LIN7A: variants seen among roughly 807,000 people sequenced by gnomAD.
LIN7A encodes the protein lin-7 cell polarity scaffold A, also known as protein lin-7 homolog A.
LIN7A carries 25 observed loss-of-function variants against 29.8 expected under a neutral mutation model. That is an observed-to-expected ratio of 0.84 (90% confidence interval 0.61 to 1.17). The LOEUF is 1.17. Ranked by LOEUF, LIN7A falls within the 50% of genes most tolerant of loss-of-function variation. LIN7A has a pLI of 0.00. For synonymous variants in LIN7A, 118 were observed against 107.5 expected (o/e 1.10, Z -0.60); for missense variants, 239 against 287.0 (o/e 0.83, Z 1.21).
At chr12:80,841,370 AG>A (rs1872804777) in intron 4 of LIN7A, among the ~76,000 whole-genome samples, 2 of 144,064 alleles carry the variant, frequency 1.4e-5, no homozygotes, top group Non-Finnish European at 3.0e-5. Context: ...GAAGGAAGGA[AG>A]GAAGGAAGGA....
At chr12:80,849,914 T>A (rs1287438796) in intron 2 of LIN7A, among the ~76,000 whole-genome samples, 37 of 152,194 alleles carry the variant, frequency 2.4e-4, no homozygotes, top group Admixed American at 2.4e-3. Flanking sequence ...CCTGGTCATC[T>A]GAATTTGTTT....
intron 5 of LIN7A, among the ~76,000 whole-genome samples, chr12:80,804,259 A>G (rs1031833596): frequency 3.9e-5 from 6 of 152,092 alleles, no homozygotes; most frequent in Non-Finnish European, 5.9e-5. Context: ...TTAAGGGTAT[A>G]GCTAAATTAT....
chr12:80,858,166 A>G (rs1056780523), intron 2 of LIN7A, among the ~76,000 whole-genome samples: 2 of 152,200 alleles, frequency 1.3e-5, no homozygotes, highest in African/African-American at 4.8e-5. Context: ...TGACCATGCC[A>G]CACACTTAAT....
In LIN7A at chr12:80,846,213, C is replaced by T. The variant is rs564894931; in HGVS notation, c.274-274G>A. ...CTTCATAAAAATCCTTTCCAGTTACCTTGGTTAGCTGCAATTCTTCCTATT... is the reference window on the plus strand; with the variant it reads ...CTTCATAAAAATCCTTTCCAGTTACTTTGGTTAGCTGCAATTCTTCCTATT... On this transcript the variant is annotated intron_variant, in intron 3 of 5. Transcript: ENST00000552864. Among the ~76,000 whole-genome samples the T allele has an allele frequency of 4.7e-4, 71 of 152,190 alleles. No homozygotes were observed. In the South Asian group the frequency reaches 1.0e-2, roughly 21 times the overall value.
At chr12:80,909,254 G>T (rs1309489325) in intron 1 of LIN7A, among the ~76,000 whole-genome samples, 2 of 152,070 alleles carry the variant, frequency 1.3e-5, no homozygotes, top group Non-Finnish European at 2.9e-5. Flanking sequence ...TGGTATAGTT[G>T]TTCAGTATCA....
intron 4 of LIN7A, among the ~76,000 whole-genome samples, chr12:80,840,830 A>C (rs1872773475): frequency 6.6e-6 from 1 of 152,144 alleles, no homozygotes; most frequent in Non-Finnish European, 1.5e-5. Flanking sequence ...CAACCATTCC[A>C]ACTCTGTACA....
intron 2 of LIN7A, among the ~76,000 whole-genome samples, chr12:80,881,692 T>G (rs1875049910): frequency 6.6e-6 from 1 of 152,106 alleles, no homozygotes; most frequent in South Asian, 2.1e-4. Context: ...ACCTACAACA[T>G]AAAGTCTGTA....
intron 1 of LIN7A, among the ~76,000 whole-genome samples, chr12:80,927,977 G>A (rs1314398633): frequency 2.0e-5 from 3 of 152,066 alleles, no homozygotes; most frequent in African/African-American, 7.2e-5. Flanking sequence ...CTGTCCTTGT[G>A]ATAGTTTGCT....
At chr12:80,842,068 T>G (rs1051469234) in intron 4 of LIN7A, 24 of 1,286,470 alleles carry the variant, frequency 1.9e-5, no homozygotes, top group Non-Finnish European at 2.4e-5. Flanking sequence ...TAGAAAAAAT[T>G]TTCTCTCCCA....
At chr12:80,863,619 A>G (rs1421546426) in intron 2 of LIN7A, among the ~76,000 whole-genome samples, 1 of 152,230 alleles carries the variant, frequency 6.6e-6, no homozygotes, top group Non-Finnish European at 1.5e-5. Flanking sequence ...GAAGACTCAT[A>G]ATGACCTCAT....
rs972324935 is a variant in LIN7A at position 80,937,690 on chromosome 12, C to G, written c.33G>C (p.Thr11=). MLKPSVTSAP[T]ADMATLTVVQ... ...CCACTGTCAATGTCGCCATGTCTGC[C>G]GTGGGAGCCGAAGTGACGCTCGGCT... Residue 11 remains threonine (T), a synonymous_variant, in exon 1 of 6, where the codon ACG becomes ACC. Coordinates refer to ENST00000552864, the MANE Select transcript of LIN7A (RefSeq NM_004664.4). 2 of 1,463,192 alleles carry G rather than the reference C, an allele frequency of 1.4e-6. No homozygotes were observed. Among genetic ancestry groups the G allele is most frequent in the Non-Finnish European group, 1.8e-6 (2 of 1,089,122 alleles). 90.6% of individuals were successfully genotyped at this position (1,463,192 alleles called of 1,614,324 possible).
At chr12:80,907,835 G>C (rs1171239212) in intron 1 of LIN7A, among the ~76,000 whole-genome samples, 1 of 151,862 alleles carries the variant, frequency 6.6e-6, no homozygotes, top group Non-Finnish European at 1.5e-5. Context: ...AATATAAGAA[G>C]GTAAAAGAAA....
intron 1 of LIN7A, among the ~76,000 whole-genome samples, chr12:80,920,818 A>G (rs1173212546): frequency 6.6e-6 from 1 of 152,228 alleles, no homozygotes. Context: ...GCAGAGAAGA[A>G]AAATAAAACT....
chr12:80,882,287 C>CTTTTTTTTTTTTTTTTTATTT, intron 2 of LIN7A, among the ~76,000 whole-genome samples: 1 of 87,698 alleles, frequency 1.1e-5, no homozygotes, highest in Non-Finnish European at 2.9e-5. Context: ...TTCTTTCATT[C>CTTTTTTTTTTTTTTTTTATTT]TTTTTTTTTT....
intron 2 of LIN7A, among the ~76,000 whole-genome samples, chr12:80,865,918 T>C (rs548191628): frequency 2.6e-5 from 4 of 152,322 alleles, no homozygotes; most frequent in Non-Finnish European, 4.4e-5. Flanking sequence ...TAAATCACTA[T>C]GGGCCATTTC....
chr12:80,934,343 A>G (rs767176951), intron 1 of LIN7A, among the ~76,000 whole-genome samples: 1 of 152,214 alleles, frequency 6.6e-6, no homozygotes, highest in Non-Finnish European at 1.5e-5. Context: ...AGAACTTACA[A>G]TGACCATAGC....
intron 4 of LIN7A, among the ~76,000 whole-genome samples, chr12:80,831,726 C>T (rs560644097): frequency 1.3e-5 from 2 of 152,294 alleles, no homozygotes; most frequent in African/African-American, 4.8e-5. Context: ...CCAATTTCAT[C>T]TAATAAAACA....
At chr12:80,921,478 G>A (rs1314398032) in intron 1 of LIN7A, among the ~76,000 whole-genome samples, 1 of 105,046 alleles carries the variant, frequency 9.5e-6, no homozygotes, top group African/African-American at 5.2e-5. Flanking sequence ...GTCTTCTTCT[G>A]GTTCTGAACA....
chr12:80,877,868 GAAA>G (rs1169752162), intron 2 of LIN7A, among the ~76,000 whole-genome samples: 1 of 129,742 alleles, frequency 7.7e-6, no homozygotes, highest in Admixed American at 7.8e-5. Flanking sequence ...GCACTGGGAA[GAAA>G]AAAAAAAAAA....
Sources: gnomAD v4.1 joint callset for allele counts (sites outside exome capture counted in the v4.1 genomes callset) on GRCh38, gnomAD v4.1.1 for gene constraint, MANE v1.5 for transcripts, NCBI Gene and HGNC (gene_info 2026-07-23, HGNC 2026-07-21) for gene names.